The following CACNB2 variants were observed in gnomAD, a reference collection of about 807,000 sequenced individuals.
CACNB2 encodes the protein voltage-dependent L-type calcium channel subunit beta-2.
CACNB2 carries 42 observed loss-of-function variants against 73.3 expected under a neutral mutation model. That is an observed-to-expected ratio of 0.57 (90% CI 0.45 to 0.74). The LOEUF is 0.74. Among genes scored for constraint, CACNB2 ranks in the 30% least tolerant of loss-of-function variants. The pLI is 0.00. For synonymous variants in CACNB2, 348 were observed against 310.3 expected (o/e 1.12, Z -1.28); for missense variants, 940 against 853.0 (o/e 1.10, Z -1.27).
At chr10:18,469,639 C>A (rs1301291567) in intron 3 of CACNB2, among the ~76,000 whole-genome samples, 2 of 152,180 alleles carry the variant, frequency 1.3e-5, no homozygotes, top group East Asian at 3.8e-4. Flanking sequence ...TCGGTTCTAA[C>A]CTCTTAATTT....
At chr10:18,474,469 T>G (rs931818549) in intron 3 of CACNB2, among the ~76,000 whole-genome samples, 3 of 152,094 alleles carry the variant, frequency 2.0e-5, no homozygotes, top group African/African-American at 7.2e-5. Flanking sequence ...TAAACTAAGG[T>G]GCAATTAGGC....
Position 18,527,618 on chromosome 10 carries a change from C to A in CACNB2, c.975C>A (p.Ile325=), listed in dbSNP as rs1231445300. ...CCATCACAAGGGTCACCGCTGACATCTCGCTTGCCAAACGCTCGGTATTAA... is the reference window on the plus strand; with the variant it reads ...CCATCACAAGGGTCACCGCTGACATATCGCTTGCCAAACGCTCGGTATTAA... The part of the protein sequence containing the change: ...RISITRVTAD[I]SLAKRSVLNN... Residue 325 remains isoleucine, a synonymous_variant, in exon 10 of 14, where the codon ATC becomes ATA. Transcript: ENST00000324631. 6.2e-7 allele frequency: 1 copy of A among 1,613,988 alleles called. No homozygotes were observed. The highest frequency in any genetic ancestry group is 1.3e-5 in the African/African-American group (1 of 75,034).
intron 2 of CACNB2, among the ~76,000 whole-genome samples, chr10:18,187,510 G>A (rs895144009): frequency 5.3e-5 from 8 of 152,108 alleles, no homozygotes; most frequent in Non-Finnish European, 7.4e-5. Context: ...AAGTGACTGT[G>A]TTAGTAAGAA....
Position 18,340,665 on chromosome 10 carries a change from C to A in CACNB2, c.214-61259C>A, listed in dbSNP as rs1403165742. ...GTAATTCAGAGGAGAATAAGACCCTCCCACTTGCGTTTGTTAATTGACTTT... is the reference window on the plus strand; with the variant it reads ...GTAATTCAGAGGAGAATAAGACCCTACCACTTGCGTTTGTTAATTGACTTT... On this transcript the variant is annotated intron_variant, in intron 2 of 13. Transcript: ENST00000324631. The A allele has an allele frequency of 3.6e-6, 5 of 1,375,224 alleles. No homozygotes were observed. In the East Asian group the frequency reaches 1.4e-4, roughly 39 times the overall value. The allele number at this position is 1,375,224 out of a possible 1,614,324, so 85.2% of individuals were successfully genotyped here.
At chr10:18,498,762 A>G (rs1174317829) in intron 4 of CACNB2, 17 of 373,066 alleles carry the variant, frequency 4.6e-5, no homozygotes, top group South Asian at 3.6e-4. Flanking sequence ...TGCTTAACCT[A>G]TACTTTTTTT....
chr10:18,169,491 A>G (rs909818991), intron 2 of CACNB2, among the ~76,000 whole-genome samples: 3 of 152,242 alleles, frequency 2.0e-5, no homozygotes, highest in Non-Finnish European at 4.4e-5. Context: ...AATAAAATGT[A>G]GAAAATTAGT....
chr10:18,305,229 A>G (rs146121200), intron 2 of CACNB2, among the ~76,000 whole-genome samples: 155 of 152,352 alleles, frequency 1.0e-3, no homozygotes, highest in African/African-American at 3.6e-3. Context: ...AGGCTGAGAC[A>G]GAATTTGGAA....
At chr10:18,216,019 G>C (rs559264448) in intron 2 of CACNB2, among the ~76,000 whole-genome samples, 2 of 152,086 alleles carry the variant, frequency 1.3e-5, no homozygotes, top group Non-Finnish European at 2.9e-5. Flanking sequence ...CTTGAGGCCA[G>C]GTGTGGTGGC....
At chr10:18,489,467 G>C (rs1238266466) in intron 3 of CACNB2, among the ~76,000 whole-genome samples, 1 of 143,518 alleles carries the variant, frequency 7.0e-6, no homozygotes, top group East Asian at 2.1e-4. Flanking sequence ...TCAGAGAAAG[G>C]ATCTTGCAAT....
chr10:18,505,107 G>A (rs2050417528), intron 5 of CACNB2, among the ~76,000 whole-genome samples: 1 of 152,050 alleles, frequency 6.6e-6, no homozygotes, highest in Non-Finnish European at 1.5e-5. Context: ...AAAAGTCAAG[G>A]ACAAATCTGC....
At chr10:18,249,897 T>C (rs909311179) in intron 2 of CACNB2, among the ~76,000 whole-genome samples, 2 of 152,204 alleles carry the variant, frequency 1.3e-5, no homozygotes, top group African/African-American at 2.4e-5. Flanking sequence ...TTTTCTCCTC[T>C]GATCCTGCTC....
intron 3 of CACNB2, among the ~76,000 whole-genome samples, chr10:18,418,298 C>T (rs2045116550): frequency 6.6e-6 from 1 of 152,332 alleles, no homozygotes; most frequent in East Asian, 1.9e-4. Context: ...TGGTCTCGAT[C>T]TCTTGACCTC....
At chr10:18,337,271 G>A (rs984797915) in intron 2 of CACNB2, among the ~76,000 whole-genome samples, 3 of 151,806 alleles carry the variant, frequency 2.0e-5, no homozygotes, top group Non-Finnish European at 2.9e-5. Flanking sequence ...CTGGGACTAC[G>A]GACATGCACC....
chr10:18,532,176 G>A (rs960193225), intron 10 of CACNB2, among the ~76,000 whole-genome samples: 1 of 152,046 alleles, frequency 6.6e-6, no homozygotes, highest in Non-Finnish European at 1.5e-5. Context: ...TACTAATACA[G>A]TGTTGCACCA....
chr10:18,233,535 C>CTAGG, intron 2 of CACNB2, among the ~76,000 whole-genome samples: 1 of 151,916 alleles, frequency 6.6e-6, no homozygotes, highest in African/African-American at 2.4e-5. Context: ...TTTTTAAAAA[C>CTAGG]TAGGTACTGC....
At chr10:18,161,114 A>C (rs12358164) in intron 2 of CACNB2, among the ~76,000 whole-genome samples, 47,740 of 151,992 alleles carry the variant, frequency 0.31, 7,577 homozygotes, top group East Asian at 0.36. Context: ...AAGATAATCC[A>C]AGAAGGATGG....
intron 2 of CACNB2, among the ~76,000 whole-genome samples, chr10:18,349,509 C>T (rs111454366): frequency 0.011 from 1,705 of 152,112 alleles, 35 homozygotes; most frequent in African/African-American, 0.039. Context: ...TTTTCCATTC[C>T]AGCAGCATAA....
intron 3 of CACNB2, among the ~76,000 whole-genome samples, chr10:18,435,147 C>T (rs181355025): frequency 2.6e-4 from 39 of 152,272 alleles, no homozygotes; most frequent in East Asian, 1.9e-4. Context: ...CTGCCTTCTG[C>T]GTGTCACACA....
intron 2 of CACNB2, among the ~76,000 whole-genome samples, chr10:18,322,732 A>T (rs2040438706): frequency 6.6e-6 from 1 of 152,188 alleles, no homozygotes; most frequent in South Asian, 2.1e-4. Context: ...AAATTCTTAA[A>T]GTATCTTATT....
Sources: gnomAD v4.1 joint callset for allele counts (sites outside exome capture counted in the v4.1 genomes callset) on GRCh38, gnomAD v4.1.1 for gene constraint, MANE v1.5 for transcripts, NCBI Gene and HGNC (gene_info 2026-07-23, HGNC 2026-07-21) for gene names.